Variants in SLC4A8 observed in about 807,000 individuals in gnomAD.
The protein encoded by SLC4A8 is solute carrier family 4 member 8, also known as electroneutral sodium bicarbonate exchanger 1.
Under a neutral mutation model 125.0 loss-of-function variants are expected in SLC4A8, and 40 were observed. The ratio of observed to expected loss-of-function variants is 0.32; its 90% CI spans 0.25 to 0.42. The LOEUF (loss-of-function observed/expected upper bound fraction) is 0.42. Ranked by LOEUF, SLC4A8 falls within the 10% of genes least tolerant of loss-of-function variation. The pLI is 1.00. For synonymous variants in SLC4A8, 456 were observed against 476.0 expected (o/e 0.96, Z 0.55); for missense variants, 863 against 1,355.1 (o/e 0.64, Z 5.70).
At chr12:51,494,258 C>G (rs1399937082) in intron 20 of SLC4A8, 1 of 155,526 alleles carries the variant, frequency 6.4e-6, no homozygotes, top group Non-Finnish European at 1.4e-5. Context: ...TCTTGTTATA[C>G]TCTGCATTTT....
At chr12:51,502,929 C>T (rs1211870640) in intron 22 of SLC4A8, among the ~76,000 whole-genome samples, 1 of 151,204 alleles carries the variant, frequency 6.6e-6, no homozygotes, top group Admixed American at 6.6e-5. Context: ...GCAAGCTCTG[C>T]CTCCCAGGTT....
intron 21 of SLC4A8, among the ~76,000 whole-genome samples, chr12:51,495,470 CTT>C (rs3028942): frequency 1.2e-3 from 91 of 76,294 alleles, no homozygotes; most frequent in Non-Finnish European, 1.3e-3. Context: ...TTTCTTTCTT[CTT>C]TTTTTTTTTT....
At position 51,489,956 on chromosome 12, in the gene SLC4A8, T is replaced by C; in HGVS notation, c.2700+5T>C. The stretch of plus-strand genomic sequence containing the variant: ...TTCATGACGGCTATCTTAAAGGTAA[T>C]CATCCTTTCAGTCATTCAGCAAATA... On this transcript the variant is annotated splice_donor_5th_base_variant and intron_variant, in intron 19 of 24. Coordinates refer to ENST00000453097, the MANE Select transcript of SLC4A8 (RefSeq NM_001039960.3). 6.2e-7 allele frequency: 1 copy of C among 1,613,384 alleles called. No homozygotes were observed. Among genetic ancestry groups the C allele is most frequent in the Non-Finnish European group, 8.5e-7 (1 of 1,179,356 alleles).
chr12:51,472,370 A>G (rs987240417), intron 14 of SLC4A8, among the ~76,000 whole-genome samples: 1 of 152,246 alleles, frequency 6.6e-6, no homozygotes, highest in Non-Finnish European at 1.5e-5. Context: ...GACCAGCGAC[A>G]GATACACTTT....
intron 16 of SLC4A8, among the ~76,000 whole-genome samples, chr12:51,483,176 C>CA (rs757926244): frequency 3.3e-5 from 5 of 152,136 alleles, no homozygotes; most frequent in Non-Finnish European, 5.9e-5. Flanking sequence ...CGGTACCCAC[C>CA]AGCCCAGTAG....
chr12:51,507,692 T>G lies in SLC4A8; in HGVS notation c.*254T>G. 2.8e-6 allele frequency: 1 copy of G among 359,872 alleles called. No homozygotes were observed. The highest frequency in any genetic ancestry group is 5.0e-6 in the Non-Finnish European group (1 of 199,710). The allele number at this position is 359,872 out of a possible 1,614,324, so 22.3% of individuals were successfully genotyped here. On this transcript the variant is annotated 3_prime_UTR_variant, in exon 25 of 25. Transcript: ENST00000453097. ...CCACCTCCTGTTGGTTCTTCTCCTC[T>G]TCCTTCTTTTTCTCTTTAGAACGGC...
At chr12:51,451,052 C>A (rs747288108) in intron 3 of SLC4A8, 30 bp downstream of exon 3, 1 of 1,441,554 alleles carries the variant, frequency 6.9e-7, no homozygotes, top group Non-Finnish European at 9.1e-7. Flanking sequence ...GGGCGGGTGT[C>A]CATGGCCCAG....
chr12:51,481,030 C>T (rs775083860), intron 16 of SLC4A8, among the ~76,000 whole-genome samples: 32 of 152,070 alleles, frequency 2.1e-4, no homozygotes, highest in Admixed American at 8.5e-4. Context: ...TTCTTTAAAA[C>T]GAATGGGTTA....
chr12:51,463,303 A>G (rs1592227001), intron 10 of SLC4A8, among the ~76,000 whole-genome samples: 2 of 152,214 alleles, frequency 1.3e-5, no homozygotes, highest in East Asian at 3.8e-4. Context: ...AGAGGCAGAT[A>G]TGAAACTGGA....
chr12:51,485,755 C>T, intron 16 of SLC4A8, 32 bp from the exon 17 acceptor site: 1 of 1,285,100 alleles, frequency 7.8e-7, no homozygotes, highest in Non-Finnish European at 1.1e-6. Context: ...TTTAACCTGC[C>T]AAAACATGTG....
rs113346373 is a variant in SLC4A8, at chr12:51,396,650, C to T, written c.-112+5162C>T. 6.3e-3 allele frequency among the ~76,000 whole-genome samples: 937 copies of T among 148,814 alleles called. 6 individuals carry two copies. The highest frequency in any genetic ancestry group is 0.022 in the African/African-American group (872 of 40,122). ...TTGAGCGCAGGAGTTTAAGACCAGC[C>T]TGGGCAACATAGTGAGACCCCATCT... On this transcript the variant is annotated intron_variant, in intron 1 of 24. Transcript: ENST00000358657.
At chr12:51,463,326 T>C (rs781140070) in intron 10 of SLC4A8, among the ~76,000 whole-genome samples, 1 of 152,106 alleles carries the variant, frequency 6.6e-6, no homozygotes, top group Non-Finnish European at 1.5e-5. Flanking sequence ...TTAGGTCATA[T>C]CTAATGCCAA....
chr12:51,444,167 C>G (rs962728748), intron 2 of SLC4A8, among the ~76,000 whole-genome samples: 4 of 152,152 alleles, frequency 2.6e-5, no homozygotes, highest in East Asian at 1.9e-4. Context: ...GAATGGCCAA[C>G]AAAGTGACCA....
At chr12:51,425,121 A>G in intron 1 of SLC4A8, 86 bp downstream of exon 1, 1 of 1,487,846 alleles carries the variant, frequency 6.7e-7, no homozygotes, top group Non-Finnish European at 9.0e-7. Flanking sequence ...TCTGCCCCCG[A>G]GCCCAGGCTT....
rs35694156 is a variant in SLC4A8 at position 51,491,740 on chromosome 12, GACACACACACACAC to G, written c.2700+1814_2700+1827del. Among the ~76,000 whole-genome samples, 24 of 146,036 alleles carry G rather than the reference GACACACACACACAC, an allele frequency of 1.6e-4. No homozygotes were observed. The South Asian group carries it at 1.7e-3, about 11-fold the overall frequency. On this transcript the variant is annotated intron_variant, in intron 19 of 24. Transcript: ENST00000453097. ...CTCCACCCCTGTCTGGGGATGGGCA[GACACACACACACAC>G]ACACACACACACACACACACACACC... is the stretch of plus-strand genomic sequence containing the variant.
chr12:51,398,859 C>T (rs1434515278), intron 1 of SLC4A8, among the ~76,000 whole-genome samples: 1 of 152,218 alleles, frequency 6.6e-6, no homozygotes, highest in Non-Finnish European at 1.5e-5. Context: ...AAGCGATTCT[C>T]CTGTCTCAGC....
chr12:51,508,812 T>C lies in SLC4A8; in HGVS notation c.*1374T>C, dbSNP rs887176019. On this transcript the variant is annotated 3_prime_UTR_variant, in exon 25 of 25. Coordinates refer to ENST00000453097, the MANE Select transcript of SLC4A8 (RefSeq NM_001039960.3). ...TTAGCACCCAGATAATTCTATCATGTTAGTTTCCCATCCTGGAAAATCTTT... is the reference window on the plus strand; with the variant it reads ...TTAGCACCCAGATAATTCTATCATGCTAGTTTCCCATCCTGGAAAATCTTT... The C allele has an allele frequency of 6.6e-6, 1 of 152,200 alleles. No individual in the cohort carries two copies. Among genetic ancestry groups the C allele is most frequent in the Admixed American group, 6.5e-5 (1 of 15,278 alleles). The allele number at this position is 152,200 out of a possible 1,614,324, so 9.4% of individuals were successfully genotyped here. A position where few individuals can be genotyped will look rare whatever the true frequency, so the allele number is the denominator to read the frequency against.
chr12:51,452,047 T>C (rs1353851597), intron 3 of SLC4A8, 77 bp from the exon 4 acceptor site: 1 of 1,381,566 alleles, frequency 7.2e-7, no homozygotes, highest in Admixed American at 1.8e-5. Flanking sequence ...TTTCTAAAGT[T>C]GTTAGGTAAG....
At chr12:51,486,191 A>G (rs1464224511) in intron 17 of SLC4A8, among the ~76,000 whole-genome samples, 1 of 152,214 alleles carries the variant, frequency 6.6e-6, no homozygotes, top group Non-Finnish European at 1.5e-5. Flanking sequence ...AAACAATGGA[A>G]TGTGCACATT....
Sources: allele counts gnomAD v4.1 joint callset (sites outside exome capture counted in the v4.1 genomes callset), GRCh38; gene constraint gnomAD v4.1.1; transcripts MANE v1.5; gene names NCBI Gene and HGNC (gene_info 2026-07-23, HGNC 2026-07-21).